Variants in ABI3BP observed in about 807,000 individuals in gnomAD.
The protein encoded by ABI3BP is target of Nesh-SH3.
In ABI3BP, 216 loss-of-function variants were observed where a neutral mutation model predicts 268.6. The ratio of observed to expected loss-of-function variants is 0.80; its 90% confidence interval spans 0.72 to 0.90. The LOEUF is 0.90. ABI3BP is among the 40% of genes least tolerant of loss of function. The pLI is 0.00. For synonymous variants in ABI3BP, 730 were observed against 730.0 expected (o/e 1.00, Z 0.00); for missense variants, 2,090 against 2,182.4 (o/e 0.96, Z 0.84).
chr3:100,993,165 C>A, intron 1 of ABI3BP, 141 bp downstream of exon 1: 2 of 574,756 alleles, frequency 3.5e-6, no homozygotes, highest in South Asian at 2.9e-5. Context: ...TTAAGAGACC[C>A]CTTCACACAT....
chr3:100,884,634 A>G (rs1432725094), intron 6 of ABI3BP, among the ~76,000 whole-genome samples: 1 of 152,062 alleles, frequency 6.6e-6, no homozygotes, highest in Non-Finnish European at 1.5e-5. Context: ...AGACATAAAA[A>G]GATGTTCAGC....
chr3:100,822,103 C>G, intron 38 of ABI3BP, among the ~76,000 whole-genome samples: 1 of 152,120 alleles, frequency 6.6e-6, no homozygotes, highest in East Asian at 1.9e-4. Flanking sequence ...GATAGCACTC[C>G]AAAACCAGTC....
chr3:100,833,075 T>C, intron 30 of ABI3BP, 50 bp downstream of exon 30: 1 of 1,490,456 alleles, frequency 6.7e-7, no homozygotes, highest in Non-Finnish European at 9.0e-7. Context: ...TAGCAAAATC[T>C]GACAATGAGT....
chr3:100,752,148 G>T (rs2095368816), intron 66 of ABI3BP, among the ~76,000 whole-genome samples: 1 of 152,082 alleles, frequency 6.6e-6, no homozygotes, highest in Admixed American at 6.6e-5. Context: ...TCACCTTTTT[G>T]AAAATGTTCT....
At chr3:100,972,596 G>T (rs962417922) in intron 1 of ABI3BP, among the ~76,000 whole-genome samples, 9 of 152,118 alleles carry the variant, frequency 5.9e-5, no homozygotes, top group Admixed American at 1.3e-4. Flanking sequence ...TTTGCTTATG[G>T]TGTTTGAGGC....
At chr3:100,873,932 T>C (rs781672429) in intron 9 of ABI3BP, among the ~76,000 whole-genome samples, 3 of 152,236 alleles carry the variant, frequency 2.0e-5, no homozygotes, top group Non-Finnish European at 4.4e-5. Context: ...TTCAATCATA[T>C]ATTAAACATT....
intron 9 of ABI3BP, among the ~76,000 whole-genome samples, chr3:100,867,878 C>A (rs2099070274): frequency 6.6e-6 from 1 of 151,702 alleles, no homozygotes; most frequent in Non-Finnish European, 1.5e-5. Flanking sequence ...TCCATTTTTC[C>A]TCTTTATGCA....
At chr3:100,810,317 AATG>A in intron 49 of ABI3BP, 92 bp downstream of exon 49, 1 of 1,052,164 alleles carries the variant, frequency 9.5e-7, no homozygotes. Context: ...CTGTGGGCAG[AATG>A]ATGAAGTCAG....
chr3:100,822,100 C>A (rs893919878), intron 38 of ABI3BP, among the ~76,000 whole-genome samples: 2 of 152,136 alleles, frequency 1.3e-5, no homozygotes, highest in Non-Finnish European at 2.9e-5. Context: ...GTTGATAGCA[C>A]TCCAAAACCA....
At chr3:100,925,969 A>G (rs1241111118) in intron 2 of ABI3BP, among the ~76,000 whole-genome samples, 1 of 152,068 alleles carries the variant, frequency 6.6e-6, no homozygotes, top group Non-Finnish European at 1.5e-5. Flanking sequence ...GTACTATCAA[A>G]AGATAGTAAG....
At chr3:100,838,527 C>G (rs143558970) in intron 24 of ABI3BP, 63 bp from the exon 25 acceptor site, 1 of 1,296,208 alleles carries the variant, frequency 7.7e-7, no homozygotes, top group African/African-American at 1.5e-5. Context: ...AAATTAAGGA[C>G]AATTATGCAG....
chr3:100,891,500 C>A (rs1235421320), intron 4 of ABI3BP, among the ~76,000 whole-genome samples: 1 of 152,194 alleles, frequency 6.6e-6, no homozygotes, highest in East Asian at 1.9e-4. Flanking sequence ...TATTACTTAC[C>A]CCCTTTTGCA....
At chr3:100,839,652 A>C in intron 23 of ABI3BP, 36 bp from the exon 24 acceptor site, 1 of 1,533,954 alleles carries the variant, frequency 6.5e-7, no homozygotes, top group East Asian at 2.4e-5. Flanking sequence ...GAAATATTTC[A>C]AGAAGTGGCA....
At chr3:100,861,247 A>G (rs2153150387) in intron 14 of ABI3BP, among the ~76,000 whole-genome samples, 1 of 152,308 alleles carries the variant, frequency 6.6e-6, no homozygotes, top group Non-Finnish European at 1.5e-5. Flanking sequence ...ATTTGATGTC[A>G]TCTTCTATCT....
intron 1 of ABI3BP, among the ~76,000 whole-genome samples, chr3:100,953,976 T>C (rs1288815610): frequency 6.6e-6 from 1 of 152,188 alleles, no homozygotes; most frequent in African/African-American, 2.4e-5. Flanking sequence ...TCCCTCCCTC[T>C]TGGGGCCAGA....
chr3:100,894,966 A>AAAAAAAAAAAAAAAAAAAAAC (rs1561385846), intron 4 of ABI3BP, among the ~76,000 whole-genome samples: 1 of 138,614 alleles, frequency 7.2e-6, no homozygotes, highest in Non-Finnish European at 1.6e-5. Flanking sequence ...AAAAAAAAAA[A>AAAAAAAAAAAAAAAAAAAAAC]ACAGAAAAAA....
At chr3:100,959,544 A>T (rs2078179480) in intron 1 of ABI3BP, among the ~76,000 whole-genome samples, 2 of 151,388 alleles carry the variant, frequency 1.3e-5, no homozygotes, top group Non-Finnish European at 2.9e-5. Context: ...CAACAAAAAG[A>T]TTCCTCAATG....
chr3:100,855,193 T>A (rs2055545), intron 14 of ABI3BP, among the ~76,000 whole-genome samples: 18 of 152,008 alleles, frequency 1.2e-4, no homozygotes, highest in African/African-American at 4.3e-4. Flanking sequence ...CCCAAAGTGC[T>A]GGGATTACAG....
rs2098340367 is a variant in ABI3BP at position 100,824,907 on chromosome 3, A to AG, written c.2696_2697insC (p.Pro900SerfsTer4). On this transcript the variant is annotated frameshift_variant, in exon 36 of 68. Transcript: ENST00000471714. LOFTEE classifies it high-confidence loss of function. The stretch of plus-strand genomic sequence containing the variant: ...GGCTCGGTGTAGTTTTAGGTCTGGG[A>AG]CGTGGAGGGCGGGTTCTTTTTGATG... 2 of 1,535,856 alleles carry AG rather than the reference A, an allele frequency of 1.3e-6. No individual in the cohort carries two copies. Among genetic ancestry groups the AG allele is most frequent in the African/African-American group, 1.4e-5 (1 of 72,966 alleles).
Sources: gnomAD v4.1 joint callset for allele counts (sites outside exome capture counted in the v4.1 genomes callset) on GRCh38, gnomAD v4.1.1 for gene constraint, MANE v1.5 for transcripts, NCBI Gene and HGNC (gene_info 2026-07-23, HGNC 2026-07-21) for gene names.